The following HS3ST2 variants were observed in gnomAD, a reference collection of about 807,000 sequenced individuals.
The protein encoded by HS3ST2 is heparan sulfate glucosamine 3-O-sulfotransferase 2.
Under a neutral mutation model 26.3 loss-of-function variants are expected in HS3ST2, and 17 were observed. The ratio of observed to expected loss-of-function variants is 0.65; its 90% CI spans 0.44 to 0.97. The LOEUF is 0.97. Ranked by LOEUF, HS3ST2 falls within the 50% of genes least tolerant of loss-of-function variation. The pLI, the probability that HS3ST2 is intolerant of heterozygous loss-of-function variation, is 0.00. For missense variants in HS3ST2, 402 were observed against 501.2 expected (o/e 0.80, Z 1.89); for synonymous variants, 237 against 219.2 (o/e 1.08, Z -0.72).
At chr16:22,824,330 C>T (rs1459966797) in intron 1 of HS3ST2, among the ~76,000 whole-genome samples, 1 of 152,108 alleles carries the variant, frequency 6.6e-6, no homozygotes, top group Non-Finnish European at 1.5e-5. Context: ...AGGTGGATCA[C>T]GAGGTCAGGA....
chr16:22,883,735 A>G (rs529387879), intron 1 of HS3ST2, among the ~76,000 whole-genome samples: 2 of 152,240 alleles, frequency 1.3e-5, no homozygotes, highest in South Asian at 4.1e-4. Flanking sequence ...ATAGGTGCAG[A>G]TGGAAATTAA....
At chr16:22,868,963 G>C (rs543233034) in intron 1 of HS3ST2, among the ~76,000 whole-genome samples, 1 of 152,014 alleles carries the variant, frequency 6.6e-6, no homozygotes, top group African/African-American at 2.4e-5. Flanking sequence ...AGTCTACAGG[G>C]GAATCACGTG....
At chr16:22,886,244 C>A (rs146247506) in intron 1 of HS3ST2, among the ~76,000 whole-genome samples, 1 of 152,162 alleles carries the variant, frequency 6.6e-6, no homozygotes, top group Non-Finnish European at 1.5e-5. Context: ...TGCTTTAGAG[C>A]AATAAACAAA....
intron 1 of HS3ST2, among the ~76,000 whole-genome samples, chr16:22,815,904 CAG>C (rs1900860252): frequency 1.3e-5 from 2 of 152,220 alleles, no homozygotes; most frequent in Non-Finnish European, 2.9e-5. Flanking sequence ...TCTAAACCAG[CAG>C]CCAAAATGTG....
chr16:22,909,471 A>C (rs1027755515), intron 1 of HS3ST2, among the ~76,000 whole-genome samples: 4 of 152,208 alleles, frequency 2.6e-5, no homozygotes, highest in African/African-American at 4.8e-5. Flanking sequence ...GATGAGCCCC[A>C]AGGAAGTCTA....
chr16:22,818,726 TCCCTCCC>T (rs1900916602), intron 1 of HS3ST2, among the ~76,000 whole-genome samples: 1 of 46,846 alleles, frequency 2.1e-5, no homozygotes, highest in African/African-American at 1.2e-4. Context: ...CTTCCTTCCC[TCCCTCCC>T]TCCTTCCCTT....
chr16:22,900,216 G>T (rs889115755), intron 1 of HS3ST2, among the ~76,000 whole-genome samples: 1 of 152,210 alleles, frequency 6.6e-6, no homozygotes, highest in African/African-American at 2.4e-5. Context: ...AAGCTTGTCT[G>T]GGAGTTGCCA....
At chr16:22,876,770 A>G (rs1401642020) in intron 1 of HS3ST2, among the ~76,000 whole-genome samples, 1 of 152,246 alleles carries the variant, frequency 6.6e-6, no homozygotes, top group Non-Finnish European at 1.5e-5. Context: ...AAAACGTGGT[A>G]TATATATGCC....
At chr16:22,830,028 A>C (rs1901145813) in intron 1 of HS3ST2, among the ~76,000 whole-genome samples, 1 of 151,904 alleles carries the variant, frequency 6.6e-6, no homozygotes, top group South Asian at 2.1e-4. Flanking sequence ...GCTTGGAGAA[A>C]CCCATTTGGT....
intron 1 of HS3ST2, among the ~76,000 whole-genome samples, chr16:22,867,179 A>C (rs995769562): frequency 6.6e-6 from 1 of 152,210 alleles, no homozygotes; most frequent in South Asian, 2.1e-4. Flanking sequence ...AGTGGGAAAG[A>C]CTTATTTAAC....
intron 1 of HS3ST2, among the ~76,000 whole-genome samples, chr16:22,850,145 T>C (rs749225360): frequency 1.3e-5 from 2 of 152,216 alleles, no homozygotes; most frequent in Non-Finnish European, 2.9e-5. Context: ...TTGTATTTGC[T>C]ATTAATACAA....
At chr16:22,887,461 G>A (rs1391570748) in intron 1 of HS3ST2, among the ~76,000 whole-genome samples, 1 of 152,148 alleles carries the variant, frequency 6.6e-6, no homozygotes, top group African/African-American at 2.4e-5. Flanking sequence ...CCCATTTGCT[G>A]GGCTCTGTCT....
Sources: allele counts gnomAD v4.1 joint callset (sites outside exome capture counted in the v4.1 genomes callset), GRCh38; gene constraint gnomAD v4.1.1; transcripts MANE v1.5; gene names NCBI Gene and HGNC (gene_info 2026-07-23, HGNC 2026-07-21).